Variants in NLRP3 observed in about 807,000 individuals in gnomAD.
The protein encoded by NLRP3 is NACHT, LRR and PYD domains-containing protein 3.
A neutral mutation model predicts 91.3 loss-of-function variants in NLRP3; 48 were observed. That is an observed-to-expected ratio of 0.53 (90% CI 0.42 to 0.67). The LOEUF (loss-of-function observed/expected upper bound fraction) is 0.67. Among genes scored for constraint, NLRP3 ranks in the 30% least tolerant of loss-of-function variants. NLRP3 has a pLI of 0.00. For synonymous variants in NLRP3, 561 were observed against 507.9 expected (o/e 1.10, Z -1.41); for missense variants, 982 against 1,276.9 (o/e 0.77, Z 3.52).
intron 4 of NLRP3, among the ~76,000 whole-genome samples, chr1:247,426,071 C>A (rs1662857213): frequency 6.6e-6 from 1 of 151,964 alleles, no homozygotes; most frequent in Non-Finnish European, 1.5e-5. Context: ...AATGGTGGGA[C>A]CTGGGCGCAT....
Position 247,448,586 on chromosome 1 carries a change from T to G in NLRP3, c.*82T>G. The G allele has an allele frequency of 1.2e-6, 1 of 854,382 alleles. No homozygotes were observed. The highest frequency in any genetic ancestry group is 2.0e-6 in the Non-Finnish European group (1 of 489,798). The allele number at this position is 854,382 out of a possible 1,614,324, so 52.9% of individuals were successfully genotyped here. A position where few individuals can be genotyped will look rare whatever the true frequency, so the allele number is the denominator to read the frequency against. ...CTCAGGTGGAGAGAGCTGCGATCCA[T>G]CCAGGCCAAGACCACAGCTCTGTGA... On this transcript the variant is annotated 3_prime_UTR_variant, in exon 10 of 10. Coordinates refer to ENST00000336119, the MANE Select transcript of NLRP3 (RefSeq NM_001243133.2).
intron 2 of NLRP3, 81 bp downstream of exon 2, chr1:247,419,158 A>G (rs1558185947): frequency 2.3e-6 from 2 of 857,566 alleles, no homozygotes; most frequent in Non-Finnish European, 3.0e-6. Context: ...ATATATATAT[A>G]TATATATTTT....
chr1:247,423,427 A>T (rs753489294), intron 3 of NLRP3, 78 bp downstream of exon 3: 93 of 1,565,568 alleles, frequency 5.9e-5, no homozygotes, highest in Middle Eastern at 3.4e-4. Context: ...GCAGCTGGGT[A>T]ACTTGGCCAT....
rs943379366 is a variant in NLRP3 at position 247,444,213 on chromosome 1, T to C, written c.2834+71T>C. ...AGGGTGGAGGGACGTTTAGGCAGAGTGGCCACAAGATAATCTGTATCTTAG... is the reference window on the plus strand; with the variant it reads ...AGGGTGGAGGGACGTTTAGGCAGAGCGGCCACAAGATAATCTGTATCTTAG... On this transcript the variant is annotated intron_variant, in intron 8 of 9. Transcript: ENST00000336119. 20 of 1,455,782 alleles carry C rather than the reference T, an allele frequency of 1.4e-5. No individual in the cohort carries two copies. In the Admixed American group the frequency reaches 1.5e-4, roughly 11 times the overall value. The allele number at this position is 1,455,782 out of a possible 1,614,324, so 90.2% of individuals were successfully genotyped here.
At chr1:247,442,189 A>C (rs1664285322) in intron 7 of NLRP3, among the ~76,000 whole-genome samples, 1 of 152,128 alleles carries the variant, frequency 6.6e-6, no homozygotes, top group Non-Finnish European at 1.5e-5. Flanking sequence ...CTCTTCCTTA[A>C]TTGGGAAGAT....
chr1:247,426,301 C>T (rs956924690), intron 4 of NLRP3, among the ~76,000 whole-genome samples: 1 of 152,198 alleles, frequency 6.6e-6, no homozygotes, highest in Admixed American at 6.5e-5. Context: ...ACCCCGTTTT[C>T]GGGTCTGTTC....
intron 9 of NLRP3, among the ~76,000 whole-genome samples, chr1:247,448,157 G>A (rs11577509): frequency 0.17 from 25,624 of 151,600 alleles, 2,419 homozygotes; most frequent in African/African-American, 0.25. Context: ...GACGAGCACC[G>A]GCTCCTTGGC....
Position 247,418,673 on chromosome 1 carries a change from G to C in NLRP3, c.-128G>C, listed in dbSNP as rs1662221227. ...TGACATTTTTTTCTTTCTGTTTGCT[G>C]AGTTTTTGATAATTTATATCTCTCA... On this transcript the variant is annotated 5_prime_UTR_variant, in exon 2 of 10. Coordinates refer to ENST00000336119, the MANE Select transcript of NLRP3 (RefSeq NM_001243133.2). 8.5e-7 allele frequency: 1 copy of C among 1,174,192 alleles called. No individual in the cohort carries two copies. Among genetic ancestry groups the C allele is most frequent in the African/African-American group, 1.5e-5 (1 of 64,960 alleles). 72.7% of individuals were successfully genotyped at this position (1,174,192 alleles called of 1,614,324 possible).
At chr1:247,431,076 C>T (rs375368078) in intron 5 of NLRP3, among the ~76,000 whole-genome samples, 2 of 152,046 alleles carry the variant, frequency 1.3e-5, no homozygotes, top group African/African-American at 2.4e-5. Context: ...CCCAGCTACT[C>T]GGGAGGCTGA....
At position 247,434,156 on chromosome 1, in the gene NLRP3, T is replaced by G. The variant is rs767685597; in HGVS notation, c.2375T>G (p.Leu792Arg). The change falls in exon 6 of 10, where the codon CTC becomes CGC. Residue 792 changes from leucine to arginine, a missense_variant. Coordinates refer to ENST00000336119, the MANE Select transcript of NLRP3 (RefSeq NM_001243133.2). Reference sequence around the variant, plus strand: ...TGCTGCTTCGACATCTCCTTGGTCCTCAGCAGCAACCAGAAGCTGGTGGAG... The same window carrying G: ...TGCTGCTTCGACATCTCCTTGGTCCGCAGCAGCAACCAGAAGCTGGTGGAG... ...HECCFDISLV[L>R]SSNQKLVELD... 1 of 1,614,260 alleles carries G rather than the reference T, an allele frequency of 6.2e-7. No homozygotes were observed. Among genetic ancestry groups the G allele is most frequent in the Non-Finnish European group, 8.5e-7 (1 of 1,180,050 alleles).
chr1:247,444,124 G>T lies in NLRP3; in HGVS notation c.2816G>T (p.Cys939Phe), dbSNP rs1319341580. Residue 939 changes from cysteine (C) to phenylalanine (F), a missense_variant, in exon 8 of 10, where the codon TGC becomes TTC. Cys to Phe is a radical substitution (Grantham distance 205, BLOSUM62 -2). Transcript: ENST00000336119. ...LLCEGLLHPD[C>F]KLQVLELDNC... ...TGTGAGGGACTCTTGCACCCCGACT[G>T]CAAGCTTCAGGTGTTGGAGTAAGTC... 6.2e-7 allele frequency: 1 copy of T among 1,614,084 alleles called. No homozygotes were observed. Among genetic ancestry groups the T allele is most frequent in the African/African-American group, 1.3e-5 (1 of 74,924 alleles).
At chr1:247,443,935 C>A (rs768617358) in intron 7 of NLRP3, 37 bp from the exon 8 acceptor site, 2 of 1,607,968 alleles carry the variant, frequency 1.2e-6, no homozygotes, top group Non-Finnish European at 1.7e-6. Context: ...TGGGGAACAG[C>A]TGGGTACTGA....
chr1:247,434,157 C>T lies in NLRP3; in HGVS notation c.2376C>T (p.Leu792=), dbSNP rs752671466. The part of the protein sequence containing the change: ...HECCFDISLV[L]SSNQKLVELD... Reference sequence around the variant, plus strand: ...GCTGCTTCGACATCTCCTTGGTCCTCAGCAGCAACCAGAAGCTGGTGGAGC... The same window carrying T: ...GCTGCTTCGACATCTCCTTGGTCCTTAGCAGCAACCAGAAGCTGGTGGAGC... Residue 792 remains leucine (L), a synonymous_variant, in exon 6 of 10, where the codon CTC becomes CTT. Transcript: ENST00000336119. 3.1e-6 allele frequency: 5 copies of T among 1,614,250 alleles called. No individual in the cohort carries two copies. The East Asian group carries it at 8.9e-5, about 29-fold the overall frequency.
rs564909603 is a variant in NLRP3, at chr1:247,444,397, G to A, written c.2835-254G>A. Reference sequence around the variant, plus strand: ...TATGACACTTACATTTTATGGAAATGTAGGGAAAGGCACAGAATTTGGTAA... The same window carrying A: ...TATGACACTTACATTTTATGGAAATATAGGGAAAGGCACAGAATTTGGTAA... On this transcript the variant is annotated intron_variant, in intron 8 of 9. Transcript: ENST00000336119. Among the ~76,000 whole-genome samples, 4 of 152,326 alleles carry A rather than the reference G, an allele frequency of 2.6e-5. No individual in the cohort carries two copies. The East Asian group carries it at 5.8e-4, about 22-fold the overall frequency.
At chr1:247,439,402 G>A (rs1664047260) in intron 7 of NLRP3, among the ~76,000 whole-genome samples, 1 of 152,102 alleles carries the variant, frequency 6.6e-6, no homozygotes, top group Non-Finnish European at 1.5e-5. Context: ...TTTGGCTTCT[G>A]GTGGAATGTC....
chr1:247,419,094 CTT>C lies in NLRP3; in HGVS notation c.277+20_277+21del, dbSNP rs1388943573. On this transcript the variant is annotated intron_variant, in intron 2 of 9. Transcript: ENST00000336119. Reference sequence around the variant, plus strand: ...CGAAGTGGGGTGAGTGGAAGGAAGACTTTTAAAAAAAATTGTGGCCAAGTGCA... The same window carrying C: ...CGAAGTGGGGTGAGTGGAAGGAAGACTTAAAAAAAATTGTGGCCAAGTGCA... 6.2e-7 allele frequency: 1 copy of C among 1,602,080 alleles called. No homozygotes were observed. Among genetic ancestry groups the C allele is most frequent in the African/African-American group, 1.3e-5 (1 of 74,566 alleles).
Position 247,448,421 on chromosome 1 carries a change from T to C in NLRP3, c.3022T>C (p.Phe1008Leu). ...LQNLGLSEMY[F>L]NYETKSALET... ...CTTTTACAGGTTGTCTGAAATGTAT[T>C]TCAATTATGAGACAAAAAGTGCGTT... is the stretch of plus-strand genomic sequence containing the variant. The change falls in exon 10 of 10, where the codon TTC becomes CTC. Residue 1008 changes from phenylalanine to leucine, a missense_variant. Around this residue, in one of 5 missense-constraint regions of NLRP3, gnomAD observed 29 missense variants for 55.3 expected, o/e 0.52. Coordinates refer to ENST00000336119, the MANE Select transcript of NLRP3 (RefSeq NM_001243133.2). 1.9e-6 allele frequency: 3 copies of C among 1,609,068 alleles called. No homozygotes were observed. Among genetic ancestry groups the C allele is most frequent in the Non-Finnish European group, 2.6e-6 (3 of 1,175,434 alleles).
rs776940175 is a variant in NLRP3, at chr1:247,424,526, G to C, written c.1077G>C (p.Leu359Phe). 8 of 1,614,192 alleles carry C rather than the reference G, an allele frequency of 5.0e-6. No homozygotes were observed. In the South Asian group the frequency reaches 7.7e-5, roughly 16 times the overall value. Reference protein sequence around the residue: ...RPVALEKLQHLLDHPRHVEIL... With the variant: ...RPVALEKLQHFLDHPRHVEIL... ...TGGCCCTGGAGAAACTGCAGCACTTGCTGGACCATCCTCGGCATGTGGAGA... is the reference window on the plus strand; with the variant it reads ...TGGCCCTGGAGAAACTGCAGCACTTCCTGGACCATCCTCGGCATGTGGAGA... The change falls in exon 4 of 10, where the codon TTG becomes TTC. Residue 359 changes from leucine to phenylalanine, a missense_variant. Coordinates refer to ENST00000336119, the MANE Select transcript of NLRP3 (RefSeq NM_001243133.2). This position sits in a 1 kb window ranked among gnomAD's most constrained non-coding sequence, Gnocchi z 8.1.
At chr1:247,417,376 G>A (rs1193966013) in intron 1 of NLRP3, among the ~76,000 whole-genome samples, 4 of 152,238 alleles carry the variant, frequency 2.6e-5, no homozygotes, top group Non-Finnish European at 5.9e-5. Context: ...ACATCAGTGA[G>A]TGCCTAGCCT....
Sources: allele counts gnomAD v4.1 joint callset (sites outside exome capture counted in the v4.1 genomes callset), GRCh38; gene constraint gnomAD v4.1.1; regional missense constraint gnomAD v4.1.1; non-coding constraint Gnocchi (gnomAD v3.1); transcripts MANE v1.5; gene names NCBI Gene and HGNC (gene_info 2026-07-23, HGNC 2026-07-21).